SHANK1: variants seen among roughly 807,000 people sequenced by gnomAD.
SHANK1 encodes the protein SH3 and multiple ankyrin repeat domains 1, also known as SH3 and multiple ankyrin repeat domains protein 1.
Under a neutral mutation model 165.6 loss-of-function variants are expected in SHANK1, and 35 were observed. The observed-to-expected ratio is 0.21, with a 90% confidence interval of 0.16 to 0.28. The LOEUF (loss-of-function observed/expected upper bound fraction) is 0.28, where lower values mean the gene tolerates loss of function less well. Ranked by LOEUF, SHANK1 falls within the 10% of genes least tolerant of loss-of-function variation. The pLI, the probability that SHANK1 is intolerant of heterozygous loss-of-function variation, is 1.00. For missense variants in SHANK1, 2,681 were observed against 3,036.4 expected (o/e 0.88, Z 2.75); for synonymous variants, 1,428 against 1,384.8 (o/e 1.03, Z -0.69).
intron 16 of SHANK1, 40 bp downstream of exon 16, chr19:50,689,157 A>G (rs1568436434): frequency 6.6e-7 from 1 of 1,511,226 alleles, no homozygotes; most frequent in East Asian, 2.3e-5. Context: ...TTCTGGGGTC[A>G]CAGAGCCCTT....
At chr19:50,673,855 G>A (rs922332604) in intron 21 of SHANK1, among the ~76,000 whole-genome samples, 37 of 150,088 alleles carry the variant, frequency 2.5e-4, no homozygotes, top group African/African-American at 8.1e-4. Flanking sequence ...GTGCAGTGGC[G>A]TTAACACGGC....
In SHANK1 at chr19:50,660,074, G is replaced by T. The variant is rs1985136170; in HGVS notation, c.*1891C>A. ...GGTAGGGGGCAGCAGAGGGGGAATG[G>T]GCTTGGGGAAGGAGGGGGAGCTCCC... On this transcript the variant is annotated 3_prime_UTR_variant, in exon 24 of 24. Coordinates refer to ENST00000293441, the MANE Select transcript of SHANK1 (RefSeq NM_016148.5). 6.6e-6 allele frequency among the ~76,000 whole-genome samples: 1 copy of T among 151,268 alleles called. No individual in the cohort carries two copies.
In SHANK1 at chr19:50,659,317, T is replaced by C. The variant is rs1401230425; in HGVS notation, c.*2648A>G. 1.7e-5 allele frequency: 8 copies of C among 481,848 alleles called. No homozygotes were observed. Among genetic ancestry groups the C allele is most frequent in the Non-Finnish European group, 2.3e-5 (7 of 305,068 alleles). The allele number at this position is 481,848 out of a possible 1,614,324, so 29.8% of individuals were successfully genotyped here. On this transcript the variant is annotated 3_prime_UTR_variant, in exon 24 of 24. Transcript: ENST00000293441. ...TGACCTGGTACAAAAGCCATTTCTC[T>C]CTGCAAAATCTTGGTGGGGAGTCAG...
At chr19:50,676,498 A>G (rs1985990090) in intron 21 of SHANK1, among the ~76,000 whole-genome samples, 1 of 151,966 alleles carries the variant, frequency 6.6e-6, no homozygotes, top group Non-Finnish European at 1.5e-5. Context: ...GGAGGCCAGG[A>G]GCTGAAGGGT....
At chr19:50,681,725 T>C (rs1986188105) in intron 21 of SHANK1, among the ~76,000 whole-genome samples, 1 of 152,192 alleles carries the variant, frequency 6.6e-6, no homozygotes, top group Non-Finnish European at 1.5e-5. Context: ...TACACAGAGA[T>C]CACTGGTGAG....
Position 50,697,696 on chromosome 19 carries a change from T to C in SHANK1, c.1862-32A>G. On this transcript the variant is annotated intron_variant, in intron 13 of 23. Transcript: ENST00000293441. This position sits in a 1 kb window ranked among gnomAD's most constrained non-coding sequence, Gnocchi z 4.7. Reference sequence around the variant, plus strand: ...GGTGACAACAGACAACCTTGGACTCTTGTTTTGGAAACCACAATCCCAGCC... The same window carrying C: ...GGTGACAACAGACAACCTTGGACTCCTGTTTTGGAAACCACAATCCCAGCC... 6.2e-7 allele frequency: 1 copy of C among 1,608,780 alleles called. No homozygotes were observed. Among genetic ancestry groups the C allele is most frequent in the South Asian group, 1.1e-5 (1 of 90,936 alleles).
Position 50,718,213 on chromosome 19 carries a change from C to T in SHANK1, c.-44+1193G>A, listed in dbSNP as rs927897246. Among the ~76,000 whole-genome samples the T allele has an allele frequency of 6.6e-6, 1 of 152,086 alleles. No individual in the cohort carries two copies. Among genetic ancestry groups the T allele is most frequent in the African/African-American group, 2.4e-5 (1 of 41,412 alleles). Reference sequence around the variant, plus strand: ...GGGCGAGCGAGCCTCTAACCCAGGGCCGGCGGACCCCTCCCCCACGCGCGG... The same window carrying T: ...GGGCGAGCGAGCCTCTAACCCAGGGTCGGCGGACCCCTCCCCCACGCGCGG... On this transcript the variant is annotated intron_variant, in intron 1 of 23. Coordinates refer to ENST00000293441, the MANE Select transcript of SHANK1 (RefSeq NM_016148.5). The surrounding 1 kb of genome is among the most constrained non-coding windows in gnomAD (Gnocchi z 5.1).
rs117454136 is a variant in SHANK1, at chr19:50,713,720, G to C, written c.792+78C>G. The C allele has an allele frequency of 1.9e-5, 30 of 1,571,294 alleles. No homozygotes were observed. In the East Asian group the frequency reaches 6.7e-4, roughly 35 times the overall value. On this transcript the variant is annotated intron_variant, in intron 6 of 23. Transcript: ENST00000293441. This position sits in a 1 kb window ranked among gnomAD's most constrained non-coding sequence, Gnocchi z 6.2. ...GGGCCTATTTTTAACTGAAACCAAA[G>C]AACTGAGGTTTGAGAAAGAACAAAG...
At chr19:50,695,183 G>A (rs1348778542) in intron 15 of SHANK1, among the ~76,000 whole-genome samples, 2 of 145,896 alleles carry the variant, frequency 1.4e-5, no homozygotes, top group African/African-American at 4.9e-5. Flanking sequence ...GCGCCGGGAG[G>A]GGGGAGGGGG....
chr19:50,662,796 A>C lies in SHANK1; in HGVS notation c.5769-114T>G. On this transcript the variant is annotated intron_variant, in intron 23 of 23. Coordinates refer to ENST00000293441, the MANE Select transcript of SHANK1 (RefSeq NM_016148.5). The surrounding 1 kb of genome is among the most constrained non-coding windows in gnomAD (Gnocchi z 7.7). ...GAGAGAGGAGGAGAGACATAAGGGT[A>C]GGGGGAGAGACGGAGGAGAGACGGG... The C allele has an allele frequency of 8.8e-6, 9 of 1,021,530 alleles. No homozygotes were observed. The highest frequency in any genetic ancestry group is 1.3e-5 in the Non-Finnish European group (9 of 696,280). The allele number at this position is 1,021,530 out of a possible 1,614,324, so 63.3% of individuals were successfully genotyped here. A position where few individuals can be genotyped will look rare whatever the true frequency, so the allele number is the denominator to read the frequency against.
chr19:50,684,120 G>A (rs144253935), intron 21 of SHANK1, among the ~76,000 whole-genome samples: 11 of 152,322 alleles, frequency 7.2e-5, no homozygotes, highest in African/African-American at 2.2e-4. Flanking sequence ...ATTATGAGAA[G>A]TTTGCTGCAG....
intron 12 of SHANK1, among the ~76,000 whole-genome samples, chr19:50,701,673 G>T (rs945274083): frequency 1.3e-5 from 2 of 152,176 alleles, no homozygotes; most frequent in Non-Finnish European, 2.9e-5. Flanking sequence ...TTTGAACCCA[G>T]GCTGCCAGGC....
At position 50,686,063 on chromosome 19, in the gene SHANK1, G is replaced by A. The variant is rs1986321773; in HGVS notation, c.2577+174C>T. On this transcript the variant is annotated intron_variant, in intron 21 of 23. Transcript: ENST00000293441. This position sits in a 1 kb window ranked among gnomAD's most constrained non-coding sequence, Gnocchi z 5.7. ...GGATTTGAGGGAAAGGGGATAAGGA[G>A]GAAAGGAGGTCTCCAAAGTTGGGAG... Among the ~76,000 whole-genome samples, 1 of 152,068 alleles carries A rather than the reference G, an allele frequency of 6.6e-6. No individual in the cohort carries two copies. The highest frequency in any genetic ancestry group is 6.6e-5 in the Admixed American group (1 of 15,250).
chr19:50,712,080 T>C lies in SHANK1; in HGVS notation c.827A>G (p.Lys276Arg). Residue 276 changes from lysine to arginine, a missense_variant, in exon 7 of 24, where the codon AAG (lysine) becomes AGG (arginine). Lys to Arg is a conservative substitution (Grantham distance 26). Coordinates refer to ENST00000293441, the MANE Select transcript of SHANK1 (RefSeq NM_016148.5). ...CAGAGGGGTCAGCCCCCGACGGTCC[T>C]TGTAGTTGGGGGAACCCCCAAGGTC... ...LLDLGGSPNYKDRRGLTPLFH... is the reference protein window; with the variant it reads ...LLDLGGSPNYRDRRGLTPLFH... The C allele has an allele frequency of 6.2e-7, 1 of 1,607,322 alleles. No homozygotes were observed. Among genetic ancestry groups the C allele is most frequent in the Non-Finnish European group, 8.5e-7 (1 of 1,177,112 alleles).
In SHANK1 at chr19:50,712,072, G is replaced by A. The variant is rs760667188; in HGVS notation, c.835C>T (p.Arg279Trp). The change falls in exon 7 of 24, where the codon CGG becomes TGG. Residue 279 changes from arginine (R) to tryptophan (W), a missense_variant. Physicochemically the swap from Arg to Trp is moderately radical, Grantham distance 101. This residue lies in a region of SHANK1 where 189 missense variants were observed against 440.9 expected (regional missense o/e 0.43). Coordinates refer to ENST00000293441, the MANE Select transcript of SHANK1 (RefSeq NM_016148.5). ...LGGSPNYKDR[R>W]GLTPLFHTAM... ...GTGTGGAACAGAGGGGTCAGCCCCC[G>A]ACGGTCCTTGTAGTTGGGGGAACCC... 10 of 1,610,696 alleles carry A rather than the reference G, an allele frequency of 6.2e-6. No individual in the cohort carries two copies. Among genetic ancestry groups the A allele is most frequent in the Non-Finnish European group, 8.5e-6 (10 of 1,178,664 alleles).
chr19:50,703,297 C>G (rs984442198), intron 11 of SHANK1, among the ~76,000 whole-genome samples: 1 of 152,072 alleles, frequency 6.6e-6, no homozygotes, highest in African/African-American at 2.4e-5. Flanking sequence ...TGTCCTGGAG[C>G]AGACATCCAG....
intron 21 of SHANK1, among the ~76,000 whole-genome samples, chr19:50,677,796 A>G (rs1986028458): frequency 6.6e-6 from 1 of 152,186 alleles, no homozygotes; most frequent in Non-Finnish European, 1.5e-5. Context: ...GTGTCGCCTG[A>G]AGGCATCCCT....
chr19:50,686,219 C>T lies in SHANK1; in HGVS notation c.2577+18G>A. The T allele has an allele frequency of 2.6e-6, 4 of 1,513,976 alleles. No individual in the cohort carries two copies. Among genetic ancestry groups the T allele is most frequent in the African/African-American group, 1.4e-5 (1 of 72,148 alleles). 93.8% of individuals were successfully genotyped at this position (1,513,976 alleles called of 1,614,324 possible). On this transcript the variant is annotated intron_variant, in intron 21 of 23. Coordinates refer to ENST00000293441, the MANE Select transcript of SHANK1 (RefSeq NM_016148.5). The surrounding 1 kb of genome is among the most constrained non-coding windows in gnomAD (Gnocchi z 5.7). ...CCGCCTCCCCCCTGGCAGTTCCTCCCCACACCAGGCCGCCTACCTCAGTGG... is the reference window on the plus strand; with the variant it reads ...CCGCCTCCCCCCTGGCAGTTCCTCCTCACACCAGGCCGCCTACCTCAGTGG...
intron 21 of SHANK1, among the ~76,000 whole-genome samples, chr19:50,680,212 G>C (rs1292200940): frequency 6.6e-6 from 1 of 152,036 alleles, no homozygotes; most frequent in Non-Finnish European, 1.5e-5. Flanking sequence ...GGGCCTAGAA[G>C]GGGGAGAGAC....
Sources: gnomAD v4.1 joint callset for allele counts (sites outside exome capture counted in the v4.1 genomes callset) on GRCh38, gnomAD v4.1.1 for gene constraint, gnomAD v4.1.1 regional missense constraint, Gnocchi (gnomAD v3.1) non-coding constraint, MANE v1.5 for transcripts, NCBI Gene and HGNC (gene_info 2026-07-23, HGNC 2026-07-21) for gene names.